The following AKAP6 variants were observed in gnomAD, a reference collection of about 807,000 sequenced individuals.
AKAP6 encodes the protein A-kinase anchor protein 6.
AKAP6 carries 58 observed loss-of-function variants against 188.5 expected under a neutral mutation model. That is an observed-to-expected ratio of 0.31 (90% CI 0.25 to 0.38). The LOEUF is 0.38. Ranked by LOEUF, AKAP6 falls within the 10% of genes least tolerant of loss-of-function variation. The probability of loss-of-function intolerance (pLI) is 1.00; values close to 1 mark genes in which losing one functional copy is unlikely to be tolerated. For synonymous variants in AKAP6, 989 were observed against 998.6 expected, an observed-to-expected ratio of 0.99 and a Z score of 0.18; for missense variants, 2,710 against 2,740.0, an observed-to-expected ratio of 0.99 and a Z score of 0.24.
intron 1 of AKAP6, among the ~76,000 whole-genome samples, chr14:32,386,028 T>C (rs184179506): frequency 4.0e-5 from 6 of 151,192 alleles, no homozygotes; most frequent in African/African-American, 1.5e-4. Context: ...TATCTATCTA[T>C]CTACATCTCA....
intron 8 of AKAP6, among the ~76,000 whole-genome samples, chr14:32,678,773 A>G (rs1889549440): frequency 6.6e-6 from 1 of 152,064 alleles, no homozygotes; most frequent in Non-Finnish European, 1.5e-5. Context: ...TTTTCCTTGT[A>G]TTTGCTCTTT....
rs541225831 is a variant in AKAP6 at position 32,590,562 on chromosome 14, A to AATC, written c.2470-8843_2470-8841dup. On this transcript the variant is annotated intron_variant, in intron 5 of 13. Coordinates refer to ENST00000280979, the MANE Select transcript of AKAP6 (RefSeq NM_004274.5). ...GCAACAGATTCTAACAAATGTTATAAATCATCAAACGATAACTGAGCATGT... is the reference window on the plus strand; with the variant it reads ...GCAACAGATTCTAACAAATGTTATAAATCATCATCAAACGATAACTGAGCATGT... 6.4e-3 allele frequency among the ~76,000 whole-genome samples: 972 copies of AATC among 152,316 alleles called. 9 individuals carry two copies. Among genetic ancestry groups the AATC allele is most frequent in the African/African-American group, 0.023 (940 of 41,558 alleles).
At chr14:32,680,199 G>C (rs1047518155) in intron 8 of AKAP6, among the ~76,000 whole-genome samples, 6 of 152,176 alleles carry the variant, frequency 3.9e-5, no homozygotes, top group African/African-American at 1.2e-4. Flanking sequence ...TCCTTGGGGT[G>C]CTGAAGGCTG....
At chr14:32,672,462 C>G (rs927351129) in intron 7 of AKAP6, among the ~76,000 whole-genome samples, 1 of 152,160 alleles carries the variant, frequency 6.6e-6, no homozygotes, top group South Asian at 2.1e-4. Context: ...CTCTCCTTGG[C>G]TCACAGATGG....
At chr14:32,632,941 T>C (rs866277367) in intron 7 of AKAP6, among the ~76,000 whole-genome samples, 8 of 152,124 alleles carry the variant, frequency 5.3e-5, no homozygotes, top group Non-Finnish European at 1.0e-4. Flanking sequence ...ATATATTTTG[T>C]ATGAGACTGG....
At chr14:32,571,971 C>T (rs1428942398) in intron 4 of AKAP6, among the ~76,000 whole-genome samples, 6 of 152,202 alleles carry the variant, frequency 3.9e-5, no homozygotes, top group African/African-American at 1.4e-4. Flanking sequence ...CATTTAGTCT[C>T]ATCACAAATT....
chr14:32,646,261 A>G (rs1051732879), intron 7 of AKAP6, among the ~76,000 whole-genome samples: 3 of 152,050 alleles, frequency 2.0e-5, no homozygotes, highest in Admixed American at 6.6e-5. Context: ...TATAATACAT[A>G]ATAAGATATA....
intron 7 of AKAP6, among the ~76,000 whole-genome samples, chr14:32,666,826 A>C (rs904933007): frequency 4.6e-5 from 7 of 152,088 alleles, no homozygotes; most frequent in Admixed American, 4.6e-4. Context: ...TTATTTTGTA[A>C]GAATAGTAAT....
intron 8 of AKAP6, among the ~76,000 whole-genome samples, chr14:32,682,661 G>T (rs1326598754): frequency 1.3e-5 from 2 of 152,152 alleles, no homozygotes; most frequent in African/African-American, 4.8e-5. Context: ...TGAATTCATG[G>T]TTCTTAACCG....
chr14:32,727,079 C>G (rs945682366), intron 9 of AKAP6, among the ~76,000 whole-genome samples: 1 of 151,904 alleles, frequency 6.6e-6, no homozygotes, highest in African/African-American at 2.4e-5. Context: ...GATAGAGAAC[C>G]GTTTTAAAAA....
intron 9 of AKAP6, among the ~76,000 whole-genome samples, chr14:32,713,785 C>G (rs1437491849): frequency 6.6e-6 from 1 of 152,062 alleles, no homozygotes; most frequent in Non-Finnish European, 1.5e-5. Context: ...GATCTTCTAT[C>G]TAGACCACTA....
At chr14:32,751,498 CTT>C (rs71432082) in intron 11 of AKAP6, among the ~76,000 whole-genome samples, 14 of 122,528 alleles carry the variant, frequency 1.1e-4, no homozygotes, top group African/African-American at 3.3e-4. Flanking sequence ...TCTCTTTTCA[CTT>C]TTTTTTTTTT....
chr14:32,524,204 A>G (rs1325192048), intron 2 of AKAP6, among the ~76,000 whole-genome samples: 2 of 152,128 alleles, frequency 1.3e-5, no homozygotes, highest in African/African-American at 4.8e-5. Flanking sequence ...CAAGATAAAA[A>G]CTGGGCAAAA....
intron 2 of AKAP6, chr14:32,473,686 C>G (rs1878902047): frequency 1.3e-5 from 2 of 152,178 alleles, no homozygotes; most frequent in African/African-American, 4.8e-5. Flanking sequence ...TGCGGGGGGA[C>G]TGACATTCTA....
intron 5 of AKAP6, among the ~76,000 whole-genome samples, chr14:32,579,419 C>T (rs1240606431): frequency 2.0e-5 from 3 of 150,942 alleles, no homozygotes; most frequent in Non-Finnish European, 4.4e-5. Context: ...CATAGAACAT[C>T]TTCTTTATTT....
At chr14:32,454,005 C>A (rs1891036681) in intron 2 of AKAP6, among the ~76,000 whole-genome samples, 2 of 152,208 alleles carry the variant, frequency 1.3e-5, no homozygotes, top group African/African-American at 4.8e-5. Flanking sequence ...CAGAGTCTGT[C>A]TGTCTTTGGC....
At chr14:32,607,707 G>A (rs567638601) in intron 7 of AKAP6, among the ~76,000 whole-genome samples, 14 of 152,282 alleles carry the variant, frequency 9.2e-5, no homozygotes, top group Admixed American at 8.5e-4. Flanking sequence ...TAGGATGTTA[G>A]CAGATTGAAA....
At chr14:32,543,781 C>G (rs889001451) in intron 3 of AKAP6, among the ~76,000 whole-genome samples, 4 of 152,126 alleles carry the variant, frequency 2.6e-5, no homozygotes, top group African/African-American at 9.7e-5. Flanking sequence ...TTGGGGACAG[C>G]CTCTATCCAG....
In AKAP6 at chr14:32,822,557, A is replaced by G. The variant is rs973627143; in HGVS notation, c.4744A>G (p.Ile1582Val). Residue 1582 changes from isoleucine to valine, a missense_variant, in exon 13 of 14, where the codon ATC becomes GTC. Coordinates refer to ENST00000280979, the MANE Select transcript of AKAP6 (RefSeq NM_004274.5). ...SPGGDLFGLG[I>V]FKNGSDSLQR... ...AGGGGGTGATTTATTTGGATTGGGC[A>G]TCTTTAAAAATGGCAGTGACAGCCT... The G allele has an allele frequency of 1.9e-6, 3 of 1,614,020 alleles. No homozygotes were observed. Among genetic ancestry groups the G allele is most frequent in the South Asian group, 1.1e-5 (1 of 91,060 alleles).
Sources: allele counts gnomAD v4.1 joint callset (sites outside exome capture counted in the v4.1 genomes callset), GRCh38; gene constraint gnomAD v4.1.1; transcripts MANE v1.5; gene names NCBI Gene and HGNC (gene_info 2026-07-23, HGNC 2026-07-21).